ADGRL3: variants seen among roughly 807,000 people sequenced by gnomAD.
ADGRL3 encodes calcium-independent alpha-latrotoxin receptor 3.
Under a neutral mutation model 153.5 loss-of-function variants are expected in ADGRL3, and 62 were observed. That is an observed-to-expected ratio of 0.40 (90% CI 0.33 to 0.50). The LOEUF (loss-of-function observed/expected upper bound fraction) is 0.50. Among genes scored for constraint, ADGRL3 ranks in the 20% least tolerant of loss-of-function variants. ADGRL3 has a pLI of 0.47. For synonymous variants in ADGRL3, 710 were observed against 672.5 expected, an observed-to-expected ratio of 1.06 and a Z score of -0.86; for missense variants, 1,641 against 1,859.4, an observed-to-expected ratio of 0.88 and a Z score of 2.16.
At chr4:61,551,575 G>A (rs1490552718) in intron 4 of ADGRL3, among the ~76,000 whole-genome samples, 2 of 152,156 alleles carry the variant, frequency 1.3e-5, no homozygotes, top group African/African-American at 2.4e-5. Context: ...TAAAACTCAT[G>A]AGAGTTGGAT....
intron 1 of ADGRL3, among the ~76,000 whole-genome samples, chr4:61,347,872 T>C (rs1296878356): frequency 6.6e-6 from 1 of 152,070 alleles, no homozygotes; most frequent in African/African-American, 2.4e-5. Flanking sequence ...TTAGAAAACG[T>C]CTATCTTTAT....
chr4:61,908,683 G>T (rs569394468), intron 11 of ADGRL3, among the ~76,000 whole-genome samples: 39 of 150,498 alleles, frequency 2.6e-4, no homozygotes, highest in Admixed American at 3.3e-4. Context: ...TTTTTACTTT[G>T]TACACTTTTT....
At position 61,619,256 on chromosome 4, in the gene ADGRL3, T is replaced by G. The variant is rs141388050; in HGVS notation, c.473+31816T>G. On this transcript the variant is annotated intron_variant, in intron 5 of 26. Coordinates refer to ENST00000683033, the MANE Select transcript of ADGRL3 (RefSeq NM_001387552.1). ...ACCGTACAAAGTTTTATCATGAGTATGTCAGCCTCCTCATGGATGTCCTTG... is the reference window on the plus strand; with the variant it reads ...ACCGTACAAAGTTTTATCATGAGTAGGTCAGCCTCCTCATGGATGTCCTTG... Among the ~76,000 whole-genome samples, 16 of 152,306 alleles carry G rather than the reference T, an allele frequency of 1.1e-4. No homozygotes were observed. In the East Asian group the frequency reaches 2.9e-3, roughly 28 times the overall value.
intron 21 of ADGRL3, among the ~76,000 whole-genome samples, chr4:62,001,735 G>A (rs13115125): frequency 0.49 from 74,251 of 151,882 alleles, 18,574 homozygotes; most frequent in Non-Finnish European, 0.54. Context: ...GAGAGTGTTC[G>A]CTTTAAAGAT....
At chr4:61,409,167 T>C (rs1466556509) in intron 2 of ADGRL3, among the ~76,000 whole-genome samples, 1 of 144,966 alleles carries the variant, frequency 6.9e-6, no homozygotes, top group African/African-American at 2.5e-5. Flanking sequence ...TCCCAGTTAG[T>C]TGAAAAATTT....
intron 8 of ADGRL3, among the ~76,000 whole-genome samples, chr4:61,799,052 T>C (rs1203958303): frequency 5.0e-5 from 7 of 140,082 alleles, no homozygotes; most frequent in African/African-American, 1.8e-4. Context: ...ATATATTGTA[T>C]AGTTATACAG....
At chr4:61,850,125 CGTT>C (rs1306999874) in intron 9 of ADGRL3, among the ~76,000 whole-genome samples, 1 of 152,064 alleles carries the variant, frequency 6.6e-6, no homozygotes, top group Non-Finnish European at 1.5e-5. Flanking sequence ...TAACTAAGAA[CGTT>C]GTGATGGTCA....
intron 1 of ADGRL3, among the ~76,000 whole-genome samples, chr4:61,324,767 C>T (rs1251141988): frequency 1.3e-5 from 2 of 152,242 alleles, no homozygotes; most frequent in Admixed American, 6.5e-5. Context: ...AGATTTTTAA[C>T]ACCAATAACC....
At chr4:61,351,173 C>G (rs1478022778) in intron 1 of ADGRL3, among the ~76,000 whole-genome samples, 2 of 152,218 alleles carry the variant, frequency 1.3e-5, no homozygotes, top group East Asian at 3.8e-4. Context: ...AAAATCAAGG[C>G]AGCCACAGTA....
intron 1 of ADGRL3, among the ~76,000 whole-genome samples, chr4:61,298,349 C>G (rs1283081979): frequency 6.6e-6 from 1 of 152,134 alleles, no homozygotes; most frequent in Non-Finnish European, 1.5e-5. Flanking sequence ...CGTTTGTGGT[C>G]CCTCTAGTTG....
chr4:61,263,685 GTCATT>G (rs2092684049), intron 1 of ADGRL3, among the ~76,000 whole-genome samples: 1 of 151,966 alleles, frequency 6.6e-6, no homozygotes, highest in Non-Finnish European at 1.5e-5. Context: ...CTGTTGCTCA[GTCATT>G]TCAAGTTCTG....
rs1231512178 is a variant in ADGRL3, at chr4:61,804,959, A to ATTT, written c.1400-8849_1400-8847dup. 9.0e-4 allele frequency among the ~76,000 whole-genome samples: 131 copies of ATTT among 145,748 alleles called. 1 individual carries two copies. The highest frequency in any genetic ancestry group is 1.3e-3 in the African/African-American group (50 of 38,932). On this transcript the variant is annotated intron_variant, in intron 8 of 26. Transcript: ENST00000683033. ...TTTATTTATTTATTTATTTTTATTT[A>ATTT]TTTATTTTTTTTTTGAGACGGAGTC... is the stretch of plus-strand genomic sequence containing the variant.
intron 19 of ADGRL3, among the ~76,000 whole-genome samples, chr4:61,995,194 A>G (rs1230736950): frequency 6.8e-6 from 1 of 147,906 alleles, no homozygotes; most frequent in Non-Finnish European, 1.5e-5. Flanking sequence ...GTGAGACACC[A>G]CACCCAGCCC....
chr4:62,061,576 C>T (rs891414596), intron 25 of ADGRL3, among the ~76,000 whole-genome samples: 6 of 151,954 alleles, frequency 3.9e-5, no homozygotes, highest in African/African-American at 1.2e-4. Context: ...CACAAGGATG[C>T]GTCATGTTGT....
chr4:61,693,045 C>T (rs191048284), intron 6 of ADGRL3, among the ~76,000 whole-genome samples: 24 of 151,850 alleles, frequency 1.6e-4, no homozygotes, highest in Admixed American at 3.9e-4. Flanking sequence ...GCAGAACTTG[C>T]GGGAAAATGA....
intron 1 of ADGRL3, among the ~76,000 whole-genome samples, chr4:61,256,146 CTT>C (rs1484220118): frequency 2.0e-5 from 3 of 152,282 alleles, no homozygotes; most frequent in African/African-American, 7.2e-5. Context: ...TAAGCATTAA[CTT>C]TACTTTTCCT....
chr4:61,740,271 T>C (rs1250820752), intron 8 of ADGRL3, among the ~76,000 whole-genome samples: 2 of 152,238 alleles, frequency 1.3e-5, no homozygotes, highest in Non-Finnish European at 2.9e-5. Flanking sequence ...TTTTGTAAGA[T>C]GTACATTTAA....
chr4:61,783,042 C>A (rs1406240098), intron 8 of ADGRL3, among the ~76,000 whole-genome samples: 1 of 152,132 alleles, frequency 6.6e-6, no homozygotes, highest in Non-Finnish European at 1.5e-5. Context: ...CTAGACCTGG[C>A]ATTATCAGAA....
intron 1 of ADGRL3, among the ~76,000 whole-genome samples, chr4:61,256,784 T>G (rs546514388): frequency 6.6e-6 from 1 of 152,284 alleles, no homozygotes; most frequent in African/African-American, 2.4e-5. Context: ...ATTTTAAAAA[T>G]GTGGTTAAAT....
Sources: gnomAD v4.1 joint callset for allele counts (sites outside exome capture counted in the v4.1 genomes callset) on GRCh38, gnomAD v4.1.1 for gene constraint, MANE v1.5 for transcripts, NCBI Gene and HGNC (gene_info 2026-07-23, HGNC 2026-07-21) for gene names.